The following MED27 variants were observed in gnomAD, a reference collection of about 807,000 sequenced individuals.
MED27 encodes mediator complex subunit 27, also known as mediator of RNA polymerase II transcription subunit 27.
In MED27, 30 loss-of-function variants were observed where a neutral mutation model predicts 38.2. The ratio of observed to expected loss-of-function variants is 0.79; its 90% confidence interval spans 0.59 to 1.07. MED27 has a LOEUF of 1.07. Ranked by LOEUF, MED27 falls within the 50% of genes least tolerant of loss-of-function variation. MED27 has a pLI of 0.00. For missense variants in MED27, 289 were observed against 397.5 expected, an observed-to-expected ratio of 0.73 and a Z score of 2.32; for synonymous variants, 122 against 153.5, an observed-to-expected ratio of 0.79 and a Z score of 1.52.
intron 3 of MED27, among the ~76,000 whole-genome samples, chr9:131,965,035 G>A (rs192233266): frequency 6.6e-6 from 1 of 152,318 alleles, no homozygotes; most frequent in East Asian, 1.9e-4. Flanking sequence ...AGCATTTGCA[G>A]GTAGTTTCAC....
At chr9:132,064,544 T>C (rs1259065167) in intron 2 of MED27, among the ~76,000 whole-genome samples, 4 of 152,324 alleles carry the variant, frequency 2.6e-5, no homozygotes, top group African/African-American at 7.2e-5. Context: ...GTAAGATATA[T>C]AGTGTTCTCT....
intron 2 of MED27, among the ~76,000 whole-genome samples, chr9:132,044,353 T>C (rs1055065053): frequency 3.9e-5 from 6 of 152,266 alleles, no homozygotes; most frequent in African/African-American, 1.4e-4. Flanking sequence ...TGCTCATTTA[T>C]AAATGCATGA....
At chr9:131,868,941 C>T (rs1434719263) in intron 6 of MED27, 4 of 985,376 alleles carry the variant, frequency 4.1e-6, no homozygotes, top group Middle Eastern at 5.2e-4. Context: ...GGGAGCCATG[C>T]GCCACAGCCC....
rs1166860243 is a variant in MED27, at chr9:131,884,088, C to T, written c.693G>A (p.Trp231Ter). ...VYTEDGKLDI[W>*]SKSNYQVFQK... is the part of the protein sequence containing the mutation. ...GGAATACTTGATAGTTGGATTTGGA[C>T]CATATATCAAGCTGAGGGGAAAGGA... Residue 231 changes from tryptophan to a stop codon, truncating the protein, a stop_gained, in exon 6 of 8, where the codon TGG becomes TGA. Transcript: ENST00000292035. LOFTEE classifies it high-confidence loss of function. The T allele has an allele frequency of 1.1e-5, 18 of 1,610,030 alleles. No homozygotes were observed. The highest frequency in any genetic ancestry group is 1.5e-5 in the Non-Finnish European group (18 of 1,178,476).
At position 131,991,491 on chromosome 9, in the gene MED27, T is replaced by C. The variant is rs1831971646; in HGVS notation, c.479+22846A>G. Among the ~76,000 whole-genome samples, 3 of 152,174 alleles carry C rather than the reference T, an allele frequency of 2.0e-5. No individual in the cohort carries two copies. The South Asian group carries it at 6.2e-4, about 32-fold the overall frequency. On this transcript the variant is annotated intron_variant, in intron 3 of 7. Transcript: ENST00000292035. ...ACTCAATCACTGTAACAGGCAAATC[T>C]TTACTGAGCTCTGTAAATGATCTGT...
chr9:132,038,761 G>A (rs537378718), intron 2 of MED27, among the ~76,000 whole-genome samples: 1 of 152,334 alleles, frequency 6.6e-6, no homozygotes, highest in South Asian at 2.1e-4. Context: ...CTAAGGTGGA[G>A]ATGGGAGTGT....
intron 2 of MED27, among the ~76,000 whole-genome samples, chr9:132,047,862 G>T (rs1833376839): frequency 6.6e-6 from 1 of 152,024 alleles, no homozygotes; most frequent in South Asian, 2.1e-4. Flanking sequence ...ACACAACAAA[G>T]CTAAAAACGA....
intron 3 of MED27, among the ~76,000 whole-genome samples, chr9:131,943,396 G>A (rs911727203): frequency 6.6e-6 from 1 of 152,138 alleles, no homozygotes; most frequent in African/African-American, 2.4e-5. Context: ...TGTTGGTATG[G>A]GAGGTGGTCT....
intron 2 of MED27, 31 bp downstream of exon 2, chr9:132,077,411 A>G: frequency 6.3e-7 from 1 of 1,598,564 alleles, no homozygotes; most frequent in Non-Finnish European, 8.5e-7. Flanking sequence ...GGTTTTCCAT[A>G]TATTAGCTCC....
At chr9:131,925,099 G>A (rs1830458744) in intron 4 of MED27, among the ~76,000 whole-genome samples, 1 of 152,102 alleles carries the variant, frequency 6.6e-6, no homozygotes, top group Non-Finnish European at 1.5e-5. Flanking sequence ...CTGCTGGGAG[G>A]CAAAAATCAC....
At chr9:131,991,192 G>A (rs970828401) in intron 3 of MED27, among the ~76,000 whole-genome samples, 2 of 151,752 alleles carry the variant, frequency 1.3e-5, no homozygotes, top group Admixed American at 6.5e-5. Flanking sequence ...GTACAGCTGC[G>A]TTTCAAAAAA....
In MED27 at chr9:131,913,457, G is replaced by T. The variant is rs1045824119; in HGVS notation, c.574-19465C>A. Among the ~76,000 whole-genome samples, 12 of 152,192 alleles carry T rather than the reference G, an allele frequency of 7.9e-5. No homozygotes were observed. Among genetic ancestry groups the T allele is most frequent in the Non-Finnish European group, 1.5e-5 (1 of 68,034 alleles). On this transcript the variant is annotated intron_variant, in intron 4 of 7. Coordinates refer to ENST00000292035, the MANE Select transcript of MED27 (RefSeq NM_004269.4). The surrounding 1 kb of genome is among the most constrained non-coding windows in gnomAD (Gnocchi z 4.5). ...TCAAATAAATAATCATAAGCATATA[G>T]TAAGGGGTCAAATAGAGTCCTGAGC...
At chr9:132,035,757 G>C (rs907856478) in intron 2 of MED27, among the ~76,000 whole-genome samples, 1 of 152,126 alleles carries the variant, frequency 6.6e-6, no homozygotes, top group African/African-American at 2.4e-5. Flanking sequence ...GAGCCCAAGG[G>C]TTCAAGACCA....
rs17148362 is a variant in MED27, at chr9:131,862,254, C to G, written c.801+809G>C. ...GGCCTTGCTAACAGGTCTTTGGAGT[C>G]GGTTCTCTAACCGGCAGACTTTCTA... is the stretch of plus-strand genomic sequence containing the variant. On this transcript the variant is annotated intron_variant, in intron 7 of 7. Coordinates refer to ENST00000292035, the MANE Select transcript of MED27 (RefSeq NM_004269.4). The surrounding 1 kb of genome is among the most constrained non-coding windows in gnomAD (Gnocchi z 4.6). Among the ~76,000 whole-genome samples the G allele has an allele frequency of 0.01, 1,548 of 152,266 alleles. 82 individuals carry two copies. The highest frequency in any genetic ancestry group is 0.073 in the Admixed American group (1,118 of 15,296).
intron 4 of MED27, among the ~76,000 whole-genome samples, chr9:131,928,341 C>A (rs774454673): frequency 1.3e-5 from 2 of 152,120 alleles, no homozygotes; most frequent in East Asian, 1.9e-4. Flanking sequence ...CCCCGACCAT[C>A]CCCCCTGCAG....
chr9:132,066,119 C>A (rs1232347889), intron 2 of MED27, among the ~76,000 whole-genome samples: 2 of 152,222 alleles, frequency 1.3e-5, no homozygotes, highest in Non-Finnish European at 2.9e-5. Context: ...CGACTCCAGT[C>A]CCCACCCTGG....
chr9:132,030,669 T>C (rs562191925), intron 2 of MED27, among the ~76,000 whole-genome samples: 6 of 152,280 alleles, frequency 3.9e-5, no homozygotes, highest in African/African-American at 1.4e-4. Flanking sequence ...TATAGACCCA[T>C]TAAATCAAAA....
At chr9:131,909,607 G>A (rs916249946) in intron 4 of MED27, among the ~76,000 whole-genome samples, 5 of 152,230 alleles carry the variant, frequency 3.3e-5, no homozygotes, top group African/African-American at 1.2e-4. Flanking sequence ...TAGGATATAT[G>A]CCAACTTGAC....
chr9:131,909,889 T>C (rs1830156575), intron 4 of MED27, among the ~76,000 whole-genome samples: 2 of 152,242 alleles, frequency 1.3e-5, no homozygotes, highest in African/African-American at 4.8e-5. Flanking sequence ...AAAATTAAAC[T>C]GTAGTTTGTT....
Sources: allele counts gnomAD v4.1 joint callset (sites outside exome capture counted in the v4.1 genomes callset), GRCh38; gene constraint gnomAD v4.1.1; non-coding constraint Gnocchi (gnomAD v3.1); transcripts MANE v1.5; gene names NCBI Gene and HGNC (gene_info 2026-07-23, HGNC 2026-07-21).